Variants in OR3A3 observed in about 807,000 individuals in gnomAD.
OR3A3 encodes the protein olfactory receptor 3A3.
For missense variants in OR3A3, 275 were observed against 391.4 expected, an observed-to-expected ratio of 0.70 and a Z score of 2.51; for synonymous variants, 103 against 163.9, an observed-to-expected ratio of 0.63 and a Z score of 2.84.
chr17:3,414,856 G>A (rs1252632755), intron 2 of OR3A3, among the ~76,000 whole-genome samples: 2 of 152,112 alleles, frequency 1.3e-5, no homozygotes, highest in Non-Finnish European at 2.9e-5. Context: ...CGTAGCCACT[G>A]AGAGGGTGGG....
chr17:3,414,516 A>C (rs890633842), intron 2 of OR3A3, among the ~76,000 whole-genome samples: 22 of 152,232 alleles, frequency 1.4e-4, no homozygotes, highest in African/African-American at 4.3e-4. Context: ...CGATGCAGGA[A>C]GGTAGTGTGA....
chr17:3,415,214 A>G (rs2072383167), intron 2 of OR3A3, among the ~76,000 whole-genome samples: 2 of 151,976 alleles, frequency 1.3e-5, no homozygotes, highest in Admixed American at 6.5e-5. Context: ...ATTATCGTAT[A>G]TTATTTTTAT....
chr17:3,418,621 T>C (rs1279198859), intron 2 of OR3A3, among the ~76,000 whole-genome samples: 1 of 152,138 alleles, frequency 6.6e-6, no homozygotes, highest in Non-Finnish European at 1.5e-5. Flanking sequence ...CCCAAAGCAG[T>C]CACATCAACC....
At position 3,411,960 on chromosome 17, in the gene OR3A3, C is replaced by G. The variant is rs371189166; in HGVS notation, c.-200-18C>G. ...GTCTCCTTTTCCGTGTCTCTCCCCC[C>G]ATCCTTCTCTCTCCTAGGAGAGCCA... On this transcript the variant is annotated intron_variant, in intron 1 of 2. Coordinates refer to ENST00000641141, the Ensembl canonical transcript of OR3A3. 9 of 151,816 alleles carry G rather than the reference C, an allele frequency of 5.9e-5. No homozygotes were observed. Among genetic ancestry groups the G allele is most frequent in the East Asian group, 3.9e-4 (2 of 5,096 alleles). The allele number at this position is 151,816 out of a possible 1,614,324, so 9.4% of individuals were successfully genotyped here. A position where few individuals can be genotyped will look rare whatever the true frequency, so the allele number is the denominator to read the frequency against.
In OR3A3 at chr17:3,420,181, C is replaced by T. The variant is rs138922979; in HGVS notation, c.-6-399C>T. On this transcript the variant is annotated intron_variant, in intron 2 of 2. Transcript: ENST00000641141. ...CATGAAGTTACGAGATACACGTAGA[C>T]AGTAAAATGATTAGTATAGTGAAAC... 1.4e-4 allele frequency among the ~76,000 whole-genome samples: 21 copies of T among 152,142 alleles called. No individual in the cohort carries two copies. In the East Asian group the frequency reaches 3.7e-3, roughly 27 times the overall value.
rs199567456 is a variant in OR3A3, at chr17:3,421,352, G to A, written c.767G>A (p.Gly256Glu). 28 of 1,614,032 alleles carry A rather than the reference G, an allele frequency of 1.7e-5. 1 individual carries two copies. In the East Asian group the frequency reaches 2.7e-4, roughly 15 times the overall value. The change falls in exon 3 of 3, where the codon GGG (glycine) becomes GAG (glutamate). Residue 256 changes from glycine (G) to glutamate (E), a missense_variant. Coordinates refer to ENST00000641141, the Ensembl canonical transcript of OR3A3. ...CTCACTGTGGTGGGCATCTTCTATGGGACAGGTGTCTTCAGCTACATGAGG... is the reference window on the plus strand; with the variant it reads ...CTCACTGTGGTGGGCATCTTCTATGAGACAGGTGTCTTCAGCTACATGAGG...
chr17:3,416,326 A>C (rs1473835062), intron 2 of OR3A3, among the ~76,000 whole-genome samples: 1 of 152,206 alleles, frequency 6.6e-6, no homozygotes, highest in Non-Finnish European at 1.5e-5. Flanking sequence ...ACCAAATCCC[A>C]AATACTTATG....
chr17:3,419,738 T>C (rs2072415228), intron 2 of OR3A3, among the ~76,000 whole-genome samples: 1 of 146,304 alleles, frequency 6.8e-6, no homozygotes, highest in Non-Finnish European at 1.5e-5. Flanking sequence ...TCTTTTTTTT[T>C]TTTTTTTTTT....
At chr17:3,421,722 C>T in exon 3 of OR3A3, 2 of 607,932 alleles carry the variant, frequency 3.3e-6, no homozygotes, top group Admixed American at 3.7e-5. Context: ...TATTAAATTA[C>T]TTCTATGATC....
At chr17:3,418,677 G>A (rs375954693) in intron 2 of OR3A3, among the ~76,000 whole-genome samples, 39 of 152,134 alleles carry the variant, frequency 2.6e-4, no homozygotes, top group African/African-American at 6.7e-4. Flanking sequence ...TTTCTTAACC[G>A]CTCCTGGCCC....
At chr17:3,414,757 TGCTGTCTACTCCCAGAAC>T (rs1340008537) in intron 2 of OR3A3, among the ~76,000 whole-genome samples, 1 of 152,128 alleles carries the variant, frequency 6.6e-6, no homozygotes, top group African/African-American at 2.4e-5. Context: ...CTGGGAGAGC[TGCTGTCTACTCCCAGAAC>T]CCACCCAAGG....
intron 2 of OR3A3, among the ~76,000 whole-genome samples, chr17:3,415,561 CA>C (rs373566506): frequency 6.7e-4 from 74 of 110,706 alleles, no homozygotes; most frequent in South Asian, 4.6e-3. Context: ...AACTCCAACT[CA>C]AAAAAAAAAA....
chr17:3,413,858 C>T (rs1462383250), intron 2 of OR3A3, among the ~76,000 whole-genome samples: 1 of 129,772 alleles, frequency 7.7e-6, no homozygotes, highest in Non-Finnish European at 1.7e-5. Flanking sequence ...AAAAAAAAAA[C>T]TTTAAGGACC....
rs150066998 is a variant in OR3A3 at position 3,419,042 on chromosome 17, A to G, written c.-6-1538A>G. Among the ~76,000 whole-genome samples the G allele has an allele frequency of 1.5e-3, 230 of 152,306 alleles. 3 individuals carry two copies. The highest frequency in any genetic ancestry group is 5.3e-3 in the African/African-American group (220 of 41,574). On this transcript the variant is annotated intron_variant, in intron 2 of 2. Transcript: ENST00000641141. ...AACCAACCCACAGGACATGATTACA[A>G]CTTTGGTTTTAGAGGGGAGTAGCTG...
At chr17:3,413,822 A>C (rs1156763758) in intron 2 of OR3A3, among the ~76,000 whole-genome samples, 1 of 108,446 alleles carries the variant, frequency 9.2e-6, no homozygotes, top group East Asian at 2.1e-4. Flanking sequence ...CTCCATCTCA[A>C]AAAAAAACAA....
chr17:3,420,919 G>T, exon 3 of OR3A3: 2 of 1,607,418 alleles, frequency 1.2e-6, no homozygotes, highest in Non-Finnish European at 1.7e-6. Flanking sequence ...CCTTCTGGCT[G>T]GGATGGACTG....
At chr17:3,415,029 A>G (rs954430287) in intron 2 of OR3A3, among the ~76,000 whole-genome samples, 8 of 152,140 alleles carry the variant, frequency 5.3e-5, no homozygotes, top group African/African-American at 1.9e-4. Context: ...TCTGTTTATT[A>G]TATGTGTATG....
At chr17:3,423,129 G>A (rs1340095325) in exon 3 of OR3A3, 1 of 152,218 alleles carries the variant, frequency 6.6e-6, no homozygotes, top group Non-Finnish European at 1.5e-5. Context: ...TGTGATCTTA[G>A]AAAGTTCCTT....
intron 2 of OR3A3, among the ~76,000 whole-genome samples, chr17:3,419,969 G>A (rs1007593218): frequency 6.6e-5 from 10 of 152,092 alleles, no homozygotes; most frequent in East Asian, 3.9e-4. Context: ...GGGTTTCGCT[G>A]TGTTAGCCAG....
Sources: gnomAD v4.1 joint callset for allele counts (sites outside exome capture counted in the v4.1 genomes callset) on GRCh38, gnomAD v4.1.1 for gene constraint, MANE v1.5 for transcripts, NCBI Gene and HGNC (gene_info 2026-07-23, HGNC 2026-07-21) for gene names.